SLC7A14: variants seen among roughly 807,000 people sequenced by gnomAD.
SLC7A14 encodes the protein solute carrier family 7 member 14, also known as gamma-aminobutyric acid transporter SLC7A14.
SLC7A14 carries 37 observed loss-of-function variants against 60.2 expected under a neutral mutation model. The ratio of observed to expected loss-of-function variants is 0.61; its 90% CI spans 0.47 to 0.81. SLC7A14 has a LOEUF of 0.81. SLC7A14 is among the 30% of genes least tolerant of loss of function. SLC7A14 has a pLI of 0.00. For synonymous variants in SLC7A14, 399 were observed against 395.8 expected (o/e 1.01, Z -0.10); for missense variants, 886 against 982.7 (o/e 0.90, Z 1.32).
Position 170,463,017 on chromosome 3 carries a change from A to G in SLC7A14, c.*4038T>C, listed in dbSNP as rs1213951223. 2 of 152,174 alleles carry G rather than the reference A, an allele frequency of 1.3e-5. No homozygotes were observed. Among genetic ancestry groups the G allele is most frequent in the Non-Finnish European group, 2.9e-5 (2 of 68,038 alleles). The allele number at this position is 152,174 out of a possible 1,614,324, so 9.4% of individuals were successfully genotyped here. A position where few individuals can be genotyped will look rare whatever the true frequency, so the allele number is the denominator to read the frequency against. On this transcript the variant is annotated 3_prime_UTR_variant, in exon 8 of 8. Transcript: ENST00000231706. ...TGTTAGTTCCTTGCATAGGTAAGGAAGCCACCGTCTCAGCTTTCTTAAAGT... is the reference window on the plus strand; with the variant it reads ...TGTTAGTTCCTTGCATAGGTAAGGAGGCCACCGTCTCAGCTTTCTTAAAGT...
chr3:170,562,700 C>T (rs993360709), intron 1 of SLC7A14, among the ~76,000 whole-genome samples: 4 of 152,102 alleles, frequency 2.6e-5, no homozygotes, highest in South Asian at 2.1e-4. Context: ...AATGAGATTT[C>T]CCAATGCTCT....
At chr3:170,512,276 G>C (rs1313812058) in intron 2 of SLC7A14, among the ~76,000 whole-genome samples, 1 of 152,212 alleles carries the variant, frequency 6.6e-6, no homozygotes, top group Non-Finnish European at 1.5e-5. Flanking sequence ...GAGCAGGTGA[G>C]ATGGGGGTTC....
In SLC7A14 at chr3:170,463,314, C is replaced by T. The variant is rs1739645229; in HGVS notation, c.*3741G>A. 1 of 152,070 alleles carries T rather than the reference C, an allele frequency of 6.6e-6. No homozygotes were observed. The highest frequency in any genetic ancestry group is 2.1e-4 in the South Asian group (1 of 4,826). 9.4% of individuals were successfully genotyped at this position (152,070 alleles called of 1,614,324 possible). A position where few individuals can be genotyped will look rare whatever the true frequency, so the allele number is the denominator to read the frequency against. On this transcript the variant is annotated 3_prime_UTR_variant, in exon 8 of 8. Transcript: ENST00000231706. ...CTAGTAGACCTTATTCATGCCGATC[C>T]TTTGCTTGGCATGCCTTTCTCTCAT...
chr3:170,537,371 T>TCTATC (rs1379372288), intron 1 of SLC7A14, among the ~76,000 whole-genome samples: 1 of 152,118 alleles, frequency 6.6e-6, no homozygotes, highest in Non-Finnish European at 1.5e-5. Flanking sequence ...AAATCTATTC[T>TCTATC]CTAATCCAGG....
intron 1 of SLC7A14, among the ~76,000 whole-genome samples, chr3:170,544,369 G>C (rs1714115419): frequency 6.6e-6 from 1 of 152,132 alleles, no homozygotes; most frequent in South Asian, 2.1e-4. Flanking sequence ...CAAAAGAGAA[G>C]AGCCTCTTTT....
At chr3:170,517,578 G>T (rs1713206155) in intron 2 of SLC7A14, among the ~76,000 whole-genome samples, 2 of 152,226 alleles carry the variant, frequency 1.3e-5, no homozygotes, top group South Asian at 4.1e-4. Context: ...GAACCTGTCA[G>T]ACTATATAGA....
intron 2 of SLC7A14, among the ~76,000 whole-genome samples, chr3:170,513,990 C>T (rs947755357): frequency 9.9e-5 from 15 of 152,220 alleles, no homozygotes; most frequent in Non-Finnish European, 8.8e-5. Context: ...TCTTCATCAT[C>T]GCTTCTTATT....
chr3:170,468,920 G>A (rs1322506363), intron 7 of SLC7A14, among the ~76,000 whole-genome samples: 1 of 152,054 alleles, frequency 6.6e-6, no homozygotes, highest in Non-Finnish European at 1.5e-5. Flanking sequence ...TGATACCCTA[G>A]CCCCATCCTG....
chr3:170,496,460 G>A (rs1214411233), intron 4 of SLC7A14: 3 of 1,296,294 alleles, frequency 2.3e-6, no homozygotes, highest in African/African-American at 2.9e-5. Flanking sequence ...AGCGTGGGGA[G>A]CTGGCCGTTA....
At chr3:170,517,207 A>T (rs928318372) in intron 2 of SLC7A14, among the ~76,000 whole-genome samples, 5 of 152,214 alleles carry the variant, frequency 3.3e-5, no homozygotes, top group Non-Finnish European at 5.9e-5. Flanking sequence ...TTGCTAAATT[A>T]TATCTTAGAG....
rs545442510 is a variant in SLC7A14 at position 170,505,208 on chromosome 3, A to T, written c.305-3863T>A. On this transcript the variant is annotated intron_variant, in intron 2 of 7. Transcript: ENST00000231706. ...GTTTGGTTTGGAATTTACCGACTTG[A>T]TCATCATTTTGGAAGACCATCATCA... Among the ~76,000 whole-genome samples, 14 of 152,114 alleles carry T rather than the reference A, an allele frequency of 9.2e-5. No individual in the cohort carries two copies. The South Asian group carries it at 1.9e-3, about 20-fold the overall frequency.
intron 2 of SLC7A14, among the ~76,000 whole-genome samples, chr3:170,504,590 G>T (rs964394613): frequency 1.3e-5 from 2 of 152,102 alleles, no homozygotes; most frequent in Non-Finnish European, 2.9e-5. Context: ...CAAAGTACTG[G>T]GATTACAGCG....
Position 170,530,304 on chromosome 3 carries a change from G to A in SLC7A14, c.-152-3216C>T, listed in dbSNP as rs567717131. 8.9e-4 allele frequency among the ~76,000 whole-genome samples: 136 copies of A among 152,260 alleles called. 6 individuals are homozygous for A. The South Asian group carries it at 0.028, about 31-fold the overall frequency. On this transcript the variant is annotated intron_variant, in intron 1 of 7. Coordinates refer to ENST00000231706, the MANE Select transcript of SLC7A14 (RefSeq NM_020949.3). ...CATTGTGGTTCAAGAGGATAGAGCG[G>A]GTGTTGCATCTGCTGGGATCTAAGT...
intron 1 of SLC7A14, among the ~76,000 whole-genome samples, chr3:170,544,473 A>G (rs1714118619): frequency 6.6e-6 from 1 of 152,170 alleles, no homozygotes; most frequent in Non-Finnish European, 1.5e-5. Flanking sequence ...CCTAAATAAC[A>G]GTGTCACTTA....
Position 170,470,308 on chromosome 3 carries a change from A to ATGTGTGTGTGTGTGTGTGTGTG in SLC7A14, c.1994-2953_1994-2932dup, listed in dbSNP as rs60682275. On this transcript the variant is annotated intron_variant, in intron 7 of 7. Coordinates refer to ENST00000231706, the MANE Select transcript of SLC7A14 (RefSeq NM_020949.3). The stretch of plus-strand genomic sequence containing the variant: ...GGGAGTGGCCAGGCCTGGAAGGAAC[A>ATGTGTGTGTGTGTGTGTGTGTG]TGTGTGTGTGTGTGTGTGTGTGTGT... Among the ~76,000 whole-genome samples the ATGTGTGTGTGTGTGTGTGTGTG allele has an allele frequency of 1.7e-3, 243 of 143,686 alleles. 2 individuals carry two copies. The highest frequency in any genetic ancestry group is 2.2e-3 in the African/African-American group (84 of 38,776). 94.3% of individuals were successfully genotyped at this position (143,686 alleles called of 152,430 possible). A position where few individuals can be genotyped will look rare whatever the true frequency, so the allele number is the denominator to read the frequency against.
At chr3:170,516,558 C>A (rs1392692475) in intron 2 of SLC7A14, among the ~76,000 whole-genome samples, 80 of 145,214 alleles carry the variant, frequency 5.5e-4, no homozygotes, top group African/African-American at 7.4e-4. Context: ...CCTGTCTCTA[C>A]AAAAAAAAAA....
At chr3:170,528,782 C>T (rs1253429465) in intron 1 of SLC7A14, among the ~76,000 whole-genome samples, 1 of 152,160 alleles carries the variant, frequency 6.6e-6, no homozygotes, top group East Asian at 1.9e-4. Context: ...TTCCTCCTCT[C>T]CTCTTTCTTC....
chr3:170,535,852 T>C lies in SLC7A14; in HGVS notation c.-152-8764A>G, dbSNP rs1318965773. On this transcript the variant is annotated intron_variant, in intron 1 of 7. Transcript: ENST00000231706. This position sits in a 1 kb window ranked among gnomAD's most constrained non-coding sequence, Gnocchi z 4.3. Reference sequence around the variant, plus strand: ...CTTGGAACTGCATTTTGCCTCATGATTTCTCTGCCCACTGCCCTCATCTTT... The same window carrying C: ...CTTGGAACTGCATTTTGCCTCATGACTTCTCTGCCCACTGCCCTCATCTTT... Among the ~76,000 whole-genome samples, 2 of 152,232 alleles carry C rather than the reference T, an allele frequency of 1.3e-5. No individual in the cohort carries two copies. The highest frequency in any genetic ancestry group is 2.9e-5 in the Non-Finnish European group (2 of 68,048).
Position 170,585,376 on chromosome 3 carries a change from G to A in SLC7A14, c.-153+535C>T, listed in dbSNP as rs1715355238. Among the ~76,000 whole-genome samples the A allele has an allele frequency of 6.6e-6, 1 of 152,156 alleles. No individual in the cohort carries two copies. The highest frequency in any genetic ancestry group is 1.5e-5 in the Non-Finnish European group (1 of 68,006). ...GGCTCGGCGGGAGTCCCTTTGAGGAGTTTGCTCCCAGGTAAAAGGGCAGAC... is the reference window on the plus strand; with the variant it reads ...GGCTCGGCGGGAGTCCCTTTGAGGAATTTGCTCCCAGGTAAAAGGGCAGAC... On this transcript the variant is annotated intron_variant, in intron 1 of 7. Coordinates refer to ENST00000231706, the MANE Select transcript of SLC7A14 (RefSeq NM_020949.3). This position sits in a 1 kb window ranked among gnomAD's most constrained non-coding sequence, Gnocchi z 5.1.
Sources: gnomAD v4.1 joint callset for allele counts (sites outside exome capture counted in the v4.1 genomes callset) on GRCh38, gnomAD v4.1.1 for gene constraint, Gnocchi (gnomAD v3.1) non-coding constraint, MANE v1.5 for transcripts, NCBI Gene and HGNC (gene_info 2026-07-23, HGNC 2026-07-21) for gene names.